Variants in KANSL1 observed in about 807,000 individuals in gnomAD.
The protein encoded by KANSL1 is MLL1/MLL complex subunit KANSL1.
A neutral mutation model predicts 103.6 loss-of-function variants in KANSL1; 22 were observed. That is an observed-to-expected ratio of 0.21 (90% confidence interval 0.15 to 0.30). The LOEUF is 0.30. Among genes scored for constraint, KANSL1 ranks in the 10% least tolerant of loss-of-function variants. The pLI, the probability that KANSL1 is intolerant of heterozygous loss-of-function variation, is 1.00. For missense variants in KANSL1, 1,337 were observed against 1,399.8 expected, an observed-to-expected ratio of 0.96 and a Z score of 0.72; for synonymous variants, 600 against 527.6, an observed-to-expected ratio of 1.14 and a Z score of -1.88.
intron 2 of KANSL1, among the ~76,000 whole-genome samples, chr17:46,105,324 A>G (rs2042484219): frequency 6.6e-6 from 1 of 152,160 alleles, no homozygotes; most frequent in African/African-American, 2.4e-5. Context: ...TCTTTCAAAG[A>G]GATTGCTTGA....
chr17:46,100,328 A>G (rs2042253788), intron 2 of KANSL1, among the ~76,000 whole-genome samples: 1 of 151,986 alleles, frequency 6.6e-6, no homozygotes, highest in South Asian at 2.1e-4. Context: ...TCCCAGCTAC[A>G]TAGGAGGCTG....
intron 2 of KANSL1, among the ~76,000 whole-genome samples, chr17:46,141,881 GTTTC>G (rs1424379093): frequency 1.3e-5 from 2 of 152,158 alleles, no homozygotes; most frequent in Non-Finnish European, 2.9e-5. Flanking sequence ...TAAAAGGGTA[GTTTC>G]TTTCTTTATT....
chr17:46,187,096 G>A (rs1305949030), intron 1 of KANSL1, among the ~76,000 whole-genome samples: 1 of 152,020 alleles, frequency 6.6e-6, no homozygotes, highest in Non-Finnish European at 1.5e-5. Flanking sequence ...ACAGTACTTA[G>A]CTTTGAGCCT....
intron 2 of KANSL1, among the ~76,000 whole-genome samples, chr17:46,137,671 C>T (rs759915303): frequency 3.3e-5 from 5 of 151,826 alleles, no homozygotes; most frequent in South Asian, 4.1e-4. Context: ...GTCAGGAGAT[C>T]GAGATCATGG....
chr17:46,082,126 C>A (rs933768323), intron 4 of KANSL1, among the ~76,000 whole-genome samples: 1 of 152,046 alleles, frequency 6.6e-6, no homozygotes, highest in African/African-American at 2.4e-5. Context: ...AGAAAGGTGA[C>A]CTTATGTCTC....
intron 1 of KANSL1, among the ~76,000 whole-genome samples, chr17:46,177,518 G>A (rs967596264): frequency 2.0e-5 from 3 of 152,100 alleles, no homozygotes; most frequent in Admixed American, 2.0e-4. Context: ...CCCTAAGTGT[G>A]GCAGAGCTAT....
intron 7 of KANSL1, chr17:46,041,581 G>C (rs931372910): frequency 3.6e-4 from 55 of 152,276 alleles, no homozygotes; most frequent in African/African-American, 1.3e-3. Context: ...AAGGAAGAAG[G>C]CTCTGGTGGG....
chr17:46,155,210 T>G (rs188555688), intron 2 of KANSL1, among the ~76,000 whole-genome samples: 62 of 146,936 alleles, frequency 4.2e-4, no homozygotes, highest in African/African-American at 1.4e-3. Context: ...TTGCCCAGGC[T>G]GTAGTGTTGC....
intron 2 of KANSL1, 110 bp from the exon 3 acceptor site, chr17:46,094,811 T>G: frequency 7.8e-7 from 1 of 1,283,280 alleles, no homozygotes; most frequent in Non-Finnish European, 1.1e-6. Flanking sequence ...AGACTAACTC[T>G]AGTGTCAAGA....
chr17:46,216,737 G>T (rs935511328), intron 1 of KANSL1, among the ~76,000 whole-genome samples: 36 of 151,434 alleles, frequency 2.4e-4, no homozygotes, highest in African/African-American at 8.5e-4. Flanking sequence ...ATGTGTAGGT[G>T]TCGAGGGTCT....
chr17:46,095,015 T>G (rs1361729026), intron 2 of KANSL1, among the ~76,000 whole-genome samples: 1 of 152,194 alleles, frequency 6.6e-6, no homozygotes, highest in East Asian at 1.9e-4. Context: ...AAACATACAT[T>G]AAGAATAATC....
chr17:46,061,829 C>T (rs1321207868), intron 6 of KANSL1, among the ~76,000 whole-genome samples: 1 of 152,128 alleles, frequency 6.6e-6, no homozygotes, highest in African/African-American at 2.4e-5. Flanking sequence ...CGGTGGCTCA[C>T]GCCTGTAATC....
At chr17:46,101,088 A>G (rs1268491852) in intron 2 of KANSL1, among the ~76,000 whole-genome samples, 5 of 152,250 alleles carry the variant, frequency 3.3e-5, no homozygotes, top group African/African-American at 7.2e-5. Flanking sequence ...GGTTATTTAG[A>G]TAACTTTTAA....
intron 2 of KANSL1, among the ~76,000 whole-genome samples, chr17:46,120,545 TAA>T (rs1476194600): frequency 6.6e-6 from 1 of 152,138 alleles, no homozygotes; most frequent in Non-Finnish European, 1.5e-5. Context: ...TGTCACTAAA[TAA>T]AAGACAGACC....
At chr17:46,132,649 C>T (rs556235978) in intron 2 of KANSL1, among the ~76,000 whole-genome samples, 18 of 152,268 alleles carry the variant, frequency 1.2e-4, no homozygotes, top group Non-Finnish European at 2.2e-4. Context: ...TCTAATTTTA[C>T]GTATAAAGAA....
At chr17:46,139,751 T>C (rs2044327570) in intron 2 of KANSL1, among the ~76,000 whole-genome samples, 1 of 151,802 alleles carries the variant, frequency 6.6e-6, no homozygotes, top group South Asian at 2.1e-4. Context: ...TTTCCGTCCC[T>C]CTCCTACAAC....
chr17:46,213,292 TTG>T (rs1397858829), intron 1 of KANSL1, among the ~76,000 whole-genome samples: 1 of 112,520 alleles, frequency 8.9e-6, no homozygotes, highest in Non-Finnish European at 2.3e-5. Context: ...TTGTTTTTTG[TTG>T]TTGTTGTTGT....
At chr17:46,194,260 A>G (rs1218542622), upstream of KANSL1, among the ~76,000 whole-genome samples, 1 of 152,288 alleles carries the variant, frequency 6.6e-6, no homozygotes, top group African/African-American at 2.4e-5. Flanking sequence ...GGCAAATGGC[A>G]TTACACAATG....
chr17:46,039,037 C>T lies in KANSL1; in HGVS notation c.2382G>A (p.Glu794=). 1 of 1,610,838 alleles carries T rather than the reference C, an allele frequency of 6.2e-7. No individual in the cohort carries two copies. The highest frequency in any genetic ancestry group is 8.5e-7 in the Non-Finnish European group (1 of 1,179,560). Residue 794 remains glutamate (E), a synonymous_variant, in exon 9 of 15, where the codon GAG becomes GAA. Coordinates refer to ENST00000432791, the MANE Select transcript of KANSL1 (RefSeq NM_015443.4). ...SKMRLRDHSS[E]RSEVLKHHTD... Reference sequence around the variant, plus strand: ...TGGGCCTGGCCCTACCTTCACTTCTCTCAGATGAATGGTCTCGCAATCTCA... The same window carrying T: ...TGGGCCTGGCCCTACCTTCACTTCTTTCAGATGAATGGTCTCGCAATCTCA...
Sources: allele counts gnomAD v4.1 joint callset (sites outside exome capture counted in the v4.1 genomes callset), GRCh38; gene constraint gnomAD v4.1.1; transcripts MANE v1.5; gene names NCBI Gene and HGNC (gene_info 2026-07-23, HGNC 2026-07-21).